HECTD4: variants seen among roughly 807,000 people sequenced by gnomAD.
The protein encoded by HECTD4 is probable E3 ubiquitin-protein ligase HECTD4.
HECTD4 carries 114 observed loss-of-function variants against 471.5 expected under a neutral mutation model. That is an observed-to-expected ratio of 0.24 (90% CI 0.21 to 0.28). The LOEUF is 0.28. HECTD4 is among the 10% of genes least tolerant of loss of function. The pLI is 1.00. For missense variants in HECTD4, 3,866 were observed against 5,651.5 expected, an observed-to-expected ratio of 0.68 and a Z score of 10.13; for synonymous variants, 2,012 against 2,256.0, an observed-to-expected ratio of 0.89 and a Z score of 3.07.
chr12:112,299,532 A>T (rs2035119489), intron 7 of HECTD4, among the ~76,000 whole-genome samples: 1 of 152,038 alleles, frequency 6.6e-6, no homozygotes, highest in African/African-American at 2.4e-5. Context: ...CTGAGGTGGG[A>T]GGTTCACTTG....
At chr12:112,356,910 T>G (rs7974383) in intron 1 of HECTD4, among the ~76,000 whole-genome samples, 55,834 of 152,106 alleles carry the variant, frequency 0.37, 15,264 homozygotes, top group East Asian at 0.85. Flanking sequence ...TTAGGCACTA[T>G]AAGTCTCTAA....
intron 7 of HECTD4, among the ~76,000 whole-genome samples, chr12:112,290,867 A>AAC (rs1555255621): frequency 6.1e-5 from 9 of 147,182 alleles, no homozygotes; most frequent in Non-Finnish European, 8.9e-5. Flanking sequence ...ACAAAACAAA[A>AAC]AAAAAAAACA....
At chr12:112,295,426 T>G (rs1054395097) in intron 7 of HECTD4, among the ~76,000 whole-genome samples, 1 of 151,270 alleles carries the variant, frequency 6.6e-6, no homozygotes, top group African/African-American at 2.4e-5. Flanking sequence ...AATGCAGTGG[T>G]GCAATCCTAG....
intron 32 of HECTD4, among the ~76,000 whole-genome samples, chr12:112,241,508 G>T (rs2033641611): frequency 6.6e-6 from 1 of 152,198 alleles, no homozygotes; most frequent in Admixed American, 6.5e-5. Context: ...TGCCCAGGCT[G>T]AAGTGCAGGG....
At chr12:112,334,207 TTAAA>T (rs35774693) in intron 1 of HECTD4, among the ~76,000 whole-genome samples, 34,885 of 142,434 alleles carry the variant, frequency 0.24, 4,406 homozygotes, top group South Asian at 0.35. Context: ...AGACTCCCTC[TTAAA>T]TAAATAAATA....
At position 112,179,802 on chromosome 12, in the gene HECTD4, C is replaced by T. The variant is rs939106946; in HGVS notation, c.10988-405G>A. 3.3e-5 allele frequency among the ~76,000 whole-genome samples: 5 copies of T among 152,186 alleles called. No individual in the cohort carries two copies. Among genetic ancestry groups the T allele is most frequent in the Non-Finnish European group, 7.3e-5 (5 of 68,030 alleles). ...GTCCTCCTGGGGCTATTTATCATAG[C>T]AGTTTAGTCTAGAATAATCCCAGAG... On this transcript the variant is annotated intron_variant, in intron 62 of 75. Transcript: ENST00000682272. This position sits in a 1 kb window ranked among gnomAD's most constrained non-coding sequence, Gnocchi z 4.3.
intron 1 of HECTD4, among the ~76,000 whole-genome samples, chr12:112,363,453 T>C (rs2036496043): frequency 1.3e-5 from 2 of 152,252 alleles, no homozygotes; most frequent in Admixed American, 6.5e-5. Context: ...GGACATAGAA[T>C]AGGTTTACTA....
rs771696896 is a variant in HECTD4, at chr12:112,178,992, T to C, written c.11302A>G (p.Ser3768Gly). Residue 3768 changes from serine to glycine, a missense_variant, in exon 64 of 76, where the codon AGC becomes GGC. Ser to Gly is a moderately conservative substitution (Grantham distance 56). Transcript: ENST00000682272. ...GKEQHPVKVV[S>G]TKRPITKPPA... ...GGCTTGGTGATAGGCCGCTTGGTGC[T>C]CACCACCTTCACGGGGTGCTGCTCC... 4 of 1,613,332 alleles carry C rather than the reference T, an allele frequency of 2.5e-6. No homozygotes were observed. The highest frequency in any genetic ancestry group is 3.4e-6 in the Non-Finnish European group (4 of 1,179,758).
At chr12:112,252,810 A>ATT (rs199504908) in intron 22 of HECTD4, among the ~76,000 whole-genome samples, 118 of 141,038 alleles carry the variant, frequency 8.4e-4, no homozygotes, top group Non-Finnish European at 1.5e-3. Flanking sequence ...CTTGAAAATA[A>ATT]TTTTTTTTTT....
chr12:112,185,451 T>C lies in HECTD4; in HGVS notation c.9515A>G (p.Glu3172Gly). The C allele has an allele frequency of 6.4e-7, 1 of 1,571,808 alleles. No individual in the cohort carries two copies. The highest frequency in any genetic ancestry group is 2.3e-5 in the East Asian group (1 of 44,290). ...CTCTGCCAGGAGATGGAAAACAAGC[T>C]CCTTCACGCAGGCTGCCATGTCCGT... The part of the protein sequence containing the change: ...WTTDMAACVK[E>G]LVFHLLAELL... Residue 3172 changes from glutamate (E) to glycine (G), a missense_variant, in exon 61 of 76, where the codon GAG (glutamate) becomes GGG (glycine). By Grantham distance (98) the Glu-to-Gly change is moderately conservative. Coordinates refer to ENST00000682272, the MANE Select transcript of HECTD4 (RefSeq NM_001388303.1).
intron 67 of HECTD4, 96 bp from the exon 68 acceptor site, chr12:112,171,359 AT>A: frequency 6.6e-7 from 1 of 1,516,982 alleles, no homozygotes; most frequent in Non-Finnish European, 8.8e-7. Context: ...TGCGAACAGG[AT>A]TGGTGGATTT....
chr12:112,293,132 G>A (rs1209775305), intron 7 of HECTD4, among the ~76,000 whole-genome samples: 3 of 152,012 alleles, frequency 2.0e-5, no homozygotes, highest in Admixed American at 6.6e-5. Flanking sequence ...TTGGGAGGCC[G>A]AGGCGGGTGG....
At chr12:112,376,421 T>C (rs961054997) in intron 1 of HECTD4, among the ~76,000 whole-genome samples, 2 of 151,822 alleles carry the variant, frequency 1.3e-5, no homozygotes, top group African/African-American at 2.4e-5. Context: ...TAATTTTTTG[T>C]ATTTTTAGTA....
intron 35 of HECTD4, among the ~76,000 whole-genome samples, chr12:112,236,725 T>C (rs186101333): frequency 6.6e-6 from 1 of 152,340 alleles, no homozygotes; most frequent in Non-Finnish European, 1.5e-5. Context: ...TGATGATATA[T>C]TATTTTATGA....
chr12:112,239,866 C>T lies in HECTD4; in HGVS notation c.5105+15G>A. On this transcript the variant is annotated intron_variant, in intron 33 of 75. Transcript: ENST00000682272. This position sits in a 1 kb window ranked among gnomAD's most constrained non-coding sequence, Gnocchi z 4.9. Reference sequence around the variant, plus strand: ...AGGGTAACTTACATACAACAAAAGGCCTTTCCGTACTTACCTGGTGTAAGG... The same window carrying T: ...AGGGTAACTTACATACAACAAAAGGTCTTTCCGTACTTACCTGGTGTAAGG... The T allele has an allele frequency of 6.2e-7, 1 of 1,602,746 alleles. No individual in the cohort carries two copies. The highest frequency in any genetic ancestry group is 8.5e-7 in the Non-Finnish European group (1 of 1,172,686).
At position 112,364,355 on chromosome 12, in the gene HECTD4, C is replaced by T. The variant is rs546850449; in HGVS notation, c.177+17597G>A. 1.8e-4 allele frequency among the ~76,000 whole-genome samples: 28 copies of T among 151,384 alleles called. No homozygotes were observed. In the South Asian group the frequency reaches 4.4e-3, roughly 24 times the overall value. Reference sequence around the variant, plus strand: ...CTGGGAGGCGGAGCTTGCAGTGAGCCGAGATTACGCCACTGCACTCCAGCC... The same window carrying T: ...CTGGGAGGCGGAGCTTGCAGTGAGCTGAGATTACGCCACTGCACTCCAGCC... On this transcript the variant is annotated intron_variant, in intron 1 of 75. Coordinates refer to ENST00000682272, the MANE Select transcript of HECTD4 (RefSeq NM_001388303.1).
chr12:112,277,503 C>A (rs1186279516), intron 9 of HECTD4, among the ~76,000 whole-genome samples: 1 of 152,204 alleles, frequency 6.6e-6, no homozygotes, highest in Non-Finnish European at 1.5e-5. Flanking sequence ...CATCACTTCA[C>A]CTGTCTGAGC....
At position 112,184,745 on chromosome 12, in the gene HECTD4, G is replaced by A. The variant is rs1195599027; in HGVS notation, c.10221C>T (p.His3407=). Residue 3407 remains histidine (H), a synonymous_variant, in exon 61 of 76, where the codon CAC becomes CAT. Coordinates refer to ENST00000682272, the MANE Select transcript of HECTD4 (RefSeq NM_001388303.1). The surrounding 1 kb of genome is among the most constrained non-coding windows in gnomAD (Gnocchi z 9.1). ...CGCCTCTGACTACGCCCTCGTCCAG[G>A]TGGGTGGGGATCCCGGAGATCACCA... ...RLLVISGIPT[H]LDEGVVRGAI... The A allele has an allele frequency of 6.2e-7, 1 of 1,611,928 alleles. No homozygotes were observed. Among genetic ancestry groups the A allele is most frequent in the East Asian group, 2.2e-5 (1 of 44,840 alleles).
chr12:112,197,252 C>T (rs1285763398), intron 55 of HECTD4, among the ~76,000 whole-genome samples: 1 of 152,146 alleles, frequency 6.6e-6, no homozygotes, highest in African/African-American at 2.4e-5. Flanking sequence ...CTGGTTTGGA[C>T]ACTGTACACT....
Sources: gnomAD v4.1 joint callset for allele counts (sites outside exome capture counted in the v4.1 genomes callset) on GRCh38, gnomAD v4.1.1 for gene constraint, Gnocchi (gnomAD v3.1) non-coding constraint, MANE v1.5 for transcripts, NCBI Gene and HGNC (gene_info 2026-07-23, HGNC 2026-07-21) for gene names.